LIPA: variants seen among roughly 807,000 people sequenced by gnomAD.
The protein encoded by LIPA is lysosomal acid lipase/cholesteryl ester hydrolase.
LIPA carries 26 observed loss-of-function variants against 40.6 expected under a neutral mutation model. The ratio of observed to expected loss-of-function variants is 0.64; its 90% CI spans 0.47 to 0.89. LIPA has a LOEUF of 0.89. LIPA is among the 40% of genes least tolerant of loss of function. The pLI is 0.00. For missense variants in LIPA, 455 were observed against 479.6 expected (o/e 0.95, Z 0.48); for synonymous variants, 188 against 168.4 (o/e 1.12, Z -0.90).
At chr10:89,291,339 G>T (rs931730070) in intron 1 of LIPA, among the ~76,000 whole-genome samples, 3 of 152,128 alleles carry the variant, frequency 2.0e-5, no homozygotes, top group African/African-American at 7.2e-5. Context: ...CAAGGTAGGA[G>T]ACATAGCAAC....
upstream of LIPA, among the ~76,000 whole-genome samples, chr10:89,254,929 T>C (rs1053888481): frequency 6.6e-6 from 1 of 152,222 alleles, no homozygotes; most frequent in East Asian, 1.9e-4. Flanking sequence ...AAGTTTCTCA[T>C]CTCCATCTGA....
rs537631101 is a variant in LIPA at position 89,299,886 on chromosome 10, T to A, written c.-2+42725A>T. On this transcript the variant is annotated intron_variant, in intron 1 of 5. Transcript: ENST00000282673. ...GCTCTCAAAAAACTAAAAATAGAAT[T>A]TTCATAAGACCCAGCAATCACACTA... 2.0e-4 allele frequency among the ~76,000 whole-genome samples: 30 copies of A among 152,186 alleles called. No individual in the cohort carries two copies. In the East Asian group the frequency reaches 5.6e-3, roughly 28 times the overall value.
intron 2 of LIPA, among the ~76,000 whole-genome samples, chr10:89,363,900 T>C (rs1185285388): frequency 1.3e-5 from 2 of 151,980 alleles, no homozygotes; most frequent in Non-Finnish European, 2.9e-5. Flanking sequence ...TTTGCTTAAA[T>C]CTGATGAGGA....
chr10:89,407,402 G>T (rs1564814102), intron 2 of LIPA, among the ~76,000 whole-genome samples: 1 of 152,016 alleles, frequency 6.6e-6, no homozygotes, highest in Admixed American at 6.5e-5. Flanking sequence ...TAAACTTCCG[G>T]ACTCTGTTAC....
intron 4 of LIPA, 125 bp downstream of exon 4, chr10:89,228,075 G>A (rs1842792612): frequency 1.3e-6 from 1 of 792,282 alleles, no homozygotes; most frequent in Admixed American, 1.9e-5. Flanking sequence ...CCTTTCAAAA[G>A]ACACTAACTT....
intron 3 of LIPA, among the ~76,000 whole-genome samples, chr10:89,244,575 T>C (rs928388172): frequency 6.6e-6 from 1 of 151,800 alleles, no homozygotes; most frequent in African/African-American, 2.4e-5. Context: ...AGACCGAAAA[T>C]CCGTCTCAAA....
chr10:89,372,417 T>C (rs117905627), intron 2 of LIPA, among the ~76,000 whole-genome samples: 15 of 152,304 alleles, frequency 9.8e-5, no homozygotes, highest in Non-Finnish European at 1.6e-4. Context: ...CTGAGGAAGT[T>C]TTTCATGAAC....
chr10:89,219,485 TA>T (rs1842669569), intron 8 of LIPA, among the ~76,000 whole-genome samples: 1 of 152,248 alleles, frequency 6.6e-6, no homozygotes, highest in South Asian at 2.1e-4. Context: ...ATGCTATATT[TA>T]AAATCCCGCT....
intron 7 of LIPA, among the ~76,000 whole-genome samples, chr10:89,222,965 C>A (rs142161353): frequency 1.3e-5 from 2 of 152,166 alleles, no homozygotes; most frequent in East Asian, 1.9e-4. Flanking sequence ...GGATTTTAAC[C>A]CTTTTTTTCA....
chr10:89,214,536 A>C lies in LIPA; in HGVS notation c.*292T>G. ...AGTCAATATATTTTAAATTTTAAAA[A>C]CAGAATGGATATAATGACCTTTTTA... On this transcript the variant is annotated 3_prime_UTR_variant, in exon 10 of 10. Coordinates refer to ENST00000336233, the MANE Select transcript of LIPA (RefSeq NM_000235.4). 3.6e-6 allele frequency: 1 copy of C among 281,006 alleles called. No individual in the cohort carries two copies. Among genetic ancestry groups the C allele is most frequent in the Non-Finnish European group, 6.8e-6 (1 of 146,968 alleles). 17.4% of individuals were successfully genotyped at this position (281,006 alleles called of 1,614,324 possible).
chr10:89,279,913 C>T (rs1187861234), intron 1 of LIPA, among the ~76,000 whole-genome samples: 2 of 152,048 alleles, frequency 1.3e-5, no homozygotes, highest in African/African-American at 2.4e-5. Flanking sequence ...CGGAATGCAT[C>T]GTATTGAAAA....
At chr10:89,298,578 T>C (rs1455348419) in intron 1 of LIPA, among the ~76,000 whole-genome samples, 1 of 152,130 alleles carries the variant, frequency 6.6e-6, no homozygotes, top group Non-Finnish European at 1.5e-5. Context: ...TATTAGATGC[T>C]CAGATATCAG....
intron 2 of LIPA, among the ~76,000 whole-genome samples, chr10:89,380,356 C>T (rs1266885320): frequency 6.6e-6 from 1 of 152,066 alleles, no homozygotes; most frequent in African/African-American, 2.4e-5. Context: ...CAGGGAAATG[C>T]CTCACAAAAC....
At chr10:89,288,334 C>A (rs1286349528) in intron 1 of LIPA, among the ~76,000 whole-genome samples, 1 of 152,134 alleles carries the variant, frequency 6.6e-6, no homozygotes, top group Non-Finnish European at 1.5e-5. Flanking sequence ...CTAGCTGACC[C>A]CATAGATCCT....
intron 2 of LIPA, among the ~76,000 whole-genome samples, chr10:89,359,815 T>TCA (rs61589202): frequency 0.022 from 3,286 of 146,112 alleles, 62 homozygotes; most frequent in African/African-American, 0.052. Context: ...TCTCTCTCTC[T>TCA]CACACACACA....
At chr10:89,264,645 C>T (rs943808352) in intron 1 of LIPA, among the ~76,000 whole-genome samples, 1 of 152,224 alleles carries the variant, frequency 6.6e-6, no homozygotes, top group Non-Finnish European at 1.5e-5. Context: ...GGCAGGTCAT[C>T]CTGACATCTG....
chr10:89,275,441 G>A (rs1045443460), intron 1 of LIPA, among the ~76,000 whole-genome samples: 1 of 152,180 alleles, frequency 6.6e-6, no homozygotes, highest in Non-Finnish European at 1.5e-5. Flanking sequence ...TGCAGCTCGT[G>A]GTTGTGGTTC....
At chr10:89,254,218 G>A (rs1843169641), upstream of LIPA, among the ~76,000 whole-genome samples, 1 of 152,170 alleles carries the variant, frequency 6.6e-6, no homozygotes, top group Non-Finnish European at 1.5e-5. Flanking sequence ...CTCCTTGAGG[G>A]CCCCACCCCT....
At chr10:89,222,390 G>A (rs1182858929) in intron 8 of LIPA, 121 bp downstream of exon 8, 1 of 748,328 alleles carries the variant, frequency 1.3e-6, no homozygotes, top group African/African-American at 1.7e-5. Flanking sequence ...CAGGACTCTG[G>A]GGAAGAAAAC....
Sources: allele counts gnomAD v4.1 joint callset (sites outside exome capture counted in the v4.1 genomes callset), GRCh38; gene constraint gnomAD v4.1.1; transcripts MANE v1.5; gene names NCBI Gene and HGNC (gene_info 2026-07-23, HGNC 2026-07-21).